The following ESRRG variants were observed in gnomAD, a reference collection of about 807,000 sequenced individuals.
ESRRG encodes the protein estrogen related receptor gamma, also known as estrogen-related receptor gamma.
In ESRRG, 13 loss-of-function variants were observed where a neutral mutation model predicts 44.0. That is an observed-to-expected ratio of 0.30 (90% CI 0.19 to 0.47). ESRRG has a LOEUF of 0.47. ESRRG is among the 20% of genes least tolerant of loss of function. The probability of loss-of-function intolerance (pLI) is 1.00; values close to 1 mark genes in which losing one functional copy is unlikely to be tolerated. For missense variants in ESRRG, 395 were observed against 580.6 expected (o/e 0.68, Z 3.29); for synonymous variants, 215 against 214.6 (o/e 1.00, Z -0.02).
At chr1:217,129,041 G>A (rs830321) in intron 1 of ESRRG, among the ~76,000 whole-genome samples, 90,394 of 151,778 alleles carry the variant, frequency 0.6, 27,570 homozygotes, top group African/African-American at 0.72. Flanking sequence ...TCAACAAAGT[G>A]TTAAAAAAAC....
intron 3 of ESRRG, among the ~76,000 whole-genome samples, chr1:216,586,816 A>G (rs2063900851): frequency 6.6e-6 from 1 of 152,040 alleles, no homozygotes. Flanking sequence ...ACCTCAAATG[A>G]TCTGCCCACC....
Position 216,634,437 on chromosome 1 carries a change from G to C in ESRRG, c.589+16536C>G, listed in dbSNP as rs961065962. 2.0e-5 allele frequency among the ~76,000 whole-genome samples: 3 copies of C among 151,838 alleles called. No homozygotes were observed. In the East Asian group the frequency reaches 5.8e-4, roughly 29 times the overall value. On this transcript the variant is annotated intron_variant, in intron 3 of 6. Coordinates refer to ENST00000408911, the MANE Select transcript of ESRRG (RefSeq NM_001438.4). ...TTCTCAGCTATTCACCACTATGAGA[G>C]AATTTTTGAAAAGAACAAAATGGAA...
intron 2 of ESRRG, among the ~76,000 whole-genome samples, chr1:216,729,343 G>A (rs1007046319): frequency 6.6e-6 from 1 of 152,138 alleles, no homozygotes; most frequent in Non-Finnish European, 1.5e-5. Context: ...TACAATTAGT[G>A]AGCCTTCCAT....
chr1:216,525,046 C>T (rs930431193), intron 5 of ESRRG, among the ~76,000 whole-genome samples: 3 of 152,188 alleles, frequency 2.0e-5, no homozygotes, highest in Non-Finnish European at 4.4e-5. Flanking sequence ...AACATGCCCC[C>T]ATAGACGTGG....
intron 1 of ESRRG, among the ~76,000 whole-genome samples, chr1:217,029,556 T>A (rs1398442529): frequency 1.3e-5 from 2 of 152,208 alleles, no homozygotes; most frequent in Non-Finnish European, 2.9e-5. Context: ...TATATAAAGT[T>A]GAAAACTATG....
intron 1 of ESRRG, chr1:216,714,721 A>T (rs1041582535): frequency 2.9e-5 from 5 of 172,164 alleles, no homozygotes; most frequent in South Asian, 1.9e-4. Flanking sequence ...AACCAACTGA[A>T]TAGTTCAATA....
At chr1:216,659,081 T>C (rs796147268) in intron 2 of ESRRG, among the ~76,000 whole-genome samples, 36 of 152,266 alleles carry the variant, frequency 2.4e-4, no homozygotes, top group African/African-American at 8.7e-4. Flanking sequence ...TTTGTAAGAA[T>C]TATGTGAAAT....
chr1:216,983,040 T>TTG (rs902534693), intron 1 of ESRRG, among the ~76,000 whole-genome samples: 4 of 151,640 alleles, frequency 2.6e-5, no homozygotes, highest in Non-Finnish European at 4.4e-5. Flanking sequence ...TGTTTTTTTT[T>TTG]TTTTTTTTTT....
At chr1:216,703,292 A>C (rs1373179204) in intron 1 of ESRRG, among the ~76,000 whole-genome samples, 1 of 152,158 alleles carries the variant, frequency 6.6e-6, no homozygotes, top group Non-Finnish European at 1.5e-5. Flanking sequence ...CACTATGATA[A>C]CTGATGATCT....
chr1:216,705,479 T>C (rs538533388), intron 1 of ESRRG, among the ~76,000 whole-genome samples: 8 of 152,130 alleles, frequency 5.3e-5, no homozygotes, highest in Non-Finnish European at 8.8e-5. Flanking sequence ...CCCAAAAATA[T>C]TACTTTTCTT....
At chr1:216,525,172 C>T (rs1437099469) in intron 5 of ESRRG, among the ~76,000 whole-genome samples, 3 of 152,098 alleles carry the variant, frequency 2.0e-5, no homozygotes, top group African/African-American at 7.2e-5. Context: ...AAAGACTCAA[C>T]ATGATGACAA....
chr1:216,874,959 G>C (rs1158437932), intron 2 of ESRRG, among the ~76,000 whole-genome samples: 1 of 152,158 alleles, frequency 6.6e-6, no homozygotes, highest in Non-Finnish European at 1.5e-5. Flanking sequence ...TTTGCCAGGG[G>C]CTCTTGGGCC....
At chr1:216,849,100 A>G (rs367983372) in intron 2 of ESRRG, among the ~76,000 whole-genome samples, 51 of 152,184 alleles carry the variant, frequency 3.4e-4, no homozygotes, top group African/African-American at 1.2e-3. Context: ...ACAATTATAC[A>G]TATTTTAGAA....
At chr1:217,119,031 A>T (rs772543395) in intron 1 of ESRRG, among the ~76,000 whole-genome samples, 1 of 151,326 alleles carries the variant, frequency 6.6e-6, no homozygotes, top group African/African-American at 2.4e-5. Context: ...AGATAGATAG[A>T]TAGATAGATA....
At chr1:216,768,402 A>T (rs1346395541) in intron 2 of ESRRG, among the ~76,000 whole-genome samples, 2 of 152,156 alleles carry the variant, frequency 1.3e-5, no homozygotes, top group East Asian at 3.9e-4. Flanking sequence ...CATTGACTGC[A>T]TATAATTATC....
intron 1 of ESRRG, among the ~76,000 whole-genome samples, chr1:217,049,165 T>C (rs1230564476): frequency 3.9e-5 from 6 of 152,198 alleles, no homozygotes; most frequent in Admixed American, 2.0e-4. Flanking sequence ...TCATTCAGGT[T>C]GGAACTCAGC....
intron 2 of ESRRG, among the ~76,000 whole-genome samples, chr1:216,674,615 C>CTTT (rs5780904): frequency 2.0e-4 from 25 of 127,884 alleles, no homozygotes; most frequent in Admixed American, 3.3e-4. Context: ...TTTGGGTAAA[C>CTTT]TTTTTTTTTT....
intron 1 of ESRRG, among the ~76,000 whole-genome samples, chr1:216,689,367 C>A (rs531890257): frequency 1.3e-5 from 2 of 152,174 alleles, no homozygotes; most frequent in South Asian, 4.2e-4. Flanking sequence ...GTTCTCTAAC[C>A]CAGTATTATA....
At chr1:216,735,989 T>A (rs5004092) in intron 2 of ESRRG, among the ~76,000 whole-genome samples, 44,330 of 104,688 alleles carry the variant, frequency 0.42, 7,531 homozygotes, top group Middle Eastern at 0.49. Flanking sequence ...CAAAAAAAAA[T>A]ATATATATAT....
Sources: allele counts gnomAD v4.1 joint callset (sites outside exome capture counted in the v4.1 genomes callset), GRCh38; gene constraint gnomAD v4.1.1; transcripts MANE v1.5; gene names NCBI Gene and HGNC (gene_info 2026-07-23, HGNC 2026-07-21).